The following ENPP3 variants were observed in gnomAD, a reference collection of about 807,000 sequenced individuals.
ENPP3 encodes ectonucleotide pyrophosphatase/phosphodiesterase 3, also known as ectonucleotide pyrophosphatase/phosphodiesterase family member 3.
A neutral mutation model predicts 117.8 loss-of-function variants in ENPP3; 104 were observed. The ratio of observed to expected loss-of-function variants is 0.88; its 90% confidence interval spans 0.75 to 1.04. The LOEUF is 1.04. Among genes scored for constraint, ENPP3 ranks in the 50% least tolerant of loss-of-function variants. The pLI is 0.00. For missense variants in ENPP3, 1,026 were observed against 1,051.9 expected (o/e 0.98, Z 0.34); for synonymous variants, 380 against 349.9 (o/e 1.09, Z -0.96).
intron 22 of ENPP3, 118 bp downstream of exon 22, chr6:131,737,550 T>C (rs1780425348): frequency 6.2e-6 from 4 of 647,964 alleles, no homozygotes; most frequent in East Asian, 5.3e-5. Flanking sequence ...CATTTTGTTC[T>C]AATGGTTTAA....
At chr6:131,732,256 A>G (rs921980111) in intron 20 of ENPP3, among the ~76,000 whole-genome samples, 11 of 152,238 alleles carry the variant, frequency 7.2e-5, no homozygotes, top group African/African-American at 2.7e-4. Flanking sequence ...AAATAAACAA[A>G]TAGCAAAATG....
At position 131,717,351 on chromosome 6, in the gene ENPP3, G is replaced by GGTGTGT. The variant is rs71030754; in HGVS notation, c.1413-1272_1413-1267dup. 3.3e-3 allele frequency among the ~76,000 whole-genome samples: 294 copies of GGTGTGT among 89,404 alleles called. 3 individuals are homozygous for GGTGTGT. The highest frequency in any genetic ancestry group is 4.9e-3 in the Admixed American group (44 of 8,924). The allele number at this position is 89,404 out of a possible 152,430, so 58.7% of individuals were successfully genotyped here. A position where few individuals can be genotyped will look rare whatever the true frequency, so the allele number is the denominator to read the frequency against. On this transcript the variant is annotated intron_variant, in intron 15 of 24. Transcript: ENST00000357639. ...AAAAACAAACAGAAACCCTGCGGGG[G>GGTGTGT]GTGTGTGTGTGTGTGTGTGTGTGTG... is the stretch of plus-strand genomic sequence containing the variant.
intron 9 of ENPP3, among the ~76,000 whole-genome samples, chr6:131,675,700 G>A (rs1487603673): frequency 6.6e-6 from 1 of 152,066 alleles, no homozygotes; most frequent in Non-Finnish European, 1.5e-5. Context: ...TGGGCATGGT[G>A]GCGCATTACC....
At chr6:131,650,248 G>A (rs533785927) in intron 3 of ENPP3, 99 bp downstream of exon 3, 3 of 1,332,094 alleles carry the variant, frequency 2.3e-6, no homozygotes, top group East Asian at 4.7e-5. Flanking sequence ...GAGACAGAGT[G>A]TCACTCTGTT....
chr6:131,644,150 G>GA (rs1327151223), intron 2 of ENPP3, among the ~76,000 whole-genome samples: 2 of 152,164 alleles, frequency 1.3e-5, no homozygotes, highest in Non-Finnish European at 2.9e-5. Context: ...GGACTAGAGG[G>GA]AGGTGGTCAT....
intron 1 of ENPP3, among the ~76,000 whole-genome samples, chr6:131,639,800 A>G (rs936150571): frequency 1.3e-5 from 2 of 152,140 alleles, no homozygotes; most frequent in South Asian, 2.1e-4. Flanking sequence ...TTGGAATTAC[A>G]TATTTATAGT....
chr6:131,701,191 C>T lies in ENPP3; in HGVS notation c.1412+7567C>T, dbSNP rs374326295. On this transcript the variant is annotated intron_variant, in intron 15 of 24. Transcript: ENST00000357639. ...CGGGGCACCGTGTTGCAGGCGTAGG[C>T]GATGTCGACGACCGCCAGGTGTGAG... 2.0e-4 allele frequency: 200 copies of T among 1,000,482 alleles called. No individual in the cohort carries two copies. The African/African-American group carries it at 3.9e-3, about 19-fold the overall frequency. The allele number at this position is 1,000,482 out of a possible 1,614,324, so 62.0% of individuals were successfully genotyped here. A position where few individuals can be genotyped will look rare whatever the true frequency, so the allele number is the denominator to read the frequency against.
intron 2 of ENPP3, among the ~76,000 whole-genome samples, chr6:131,647,156 G>A (rs978072499): frequency 1.3e-5 from 2 of 152,032 alleles, no homozygotes; most frequent in Non-Finnish European, 2.9e-5. Flanking sequence ...TTATAGGCAT[G>A]AGCCACTGCA....
intron 6 of ENPP3, among the ~76,000 whole-genome samples, chr6:131,670,772 G>T (rs933844279): frequency 2.6e-5 from 4 of 152,178 alleles, no homozygotes; most frequent in African/African-American, 9.7e-5. Flanking sequence ...GATTACAGGT[G>T]TGAGCCTCTG....
In ENPP3 at chr6:131,738,177, C is replaced by A; in HGVS notation, c.2300+14C>A. ...TGAAATTACCAAGTAAGTGATTTGA[C>A]TTTTTGATTTATCAATAGGGTCTCA... On this transcript the variant is annotated intron_variant, in intron 23 of 24. Transcript: ENST00000357639. 1 of 1,606,676 alleles carries A rather than the reference C, an allele frequency of 6.2e-7. No homozygotes were observed. Among genetic ancestry groups the A allele is most frequent in the Non-Finnish European group, 8.5e-7 (1 of 1,176,002 alleles).
At chr6:131,690,120 A>G (rs1025037564) in intron 14 of ENPP3, among the ~76,000 whole-genome samples, 1 of 152,240 alleles carries the variant, frequency 6.6e-6, no homozygotes, top group Non-Finnish European at 1.5e-5. Flanking sequence ...TGAAAAGACA[A>G]CAAAGGATTT....
chr6:131,697,012 G>T (rs1217182959), intron 15 of ENPP3, among the ~76,000 whole-genome samples: 1 of 152,102 alleles, frequency 6.6e-6, no homozygotes, highest in Non-Finnish European at 1.5e-5. Context: ...CTCATGATCC[G>T]CCCTCCTTGG....
intron 1 of ENPP3, 100 bp from the exon 2 acceptor site, chr6:131,641,355 C>A (rs191548148): frequency 4.5e-6 from 3 of 664,814 alleles, no homozygotes; most frequent in East Asian, 2.9e-5. Flanking sequence ...ATAACTAGTA[C>A]GCTGCAGGTA....
chr6:131,706,667 A>C (rs1004111204), intron 15 of ENPP3, among the ~76,000 whole-genome samples: 3 of 149,052 alleles, frequency 2.0e-5, no homozygotes, highest in Admixed American at 2.0e-4. Flanking sequence ...GAAATGTGTT[A>C]AATGTTTATT....
intron 20 of ENPP3, among the ~76,000 whole-genome samples, chr6:131,730,144 T>C (rs999950752): frequency 2.0e-5 from 3 of 152,210 alleles, no homozygotes; most frequent in Admixed American, 1.3e-4. Flanking sequence ...TAAAACTTAC[T>C]AATGTGAAAT....
At chr6:131,640,668 G>A (rs1223871408) in intron 1 of ENPP3, among the ~76,000 whole-genome samples, 1 of 152,140 alleles carries the variant, frequency 6.6e-6, no homozygotes, top group Non-Finnish European at 1.5e-5. Context: ...ACTTTCCTAA[G>A]TAATTTGATT....
chr6:131,687,019 G>A (rs1001953907), intron 14 of ENPP3, among the ~76,000 whole-genome samples: 1 of 152,122 alleles, frequency 6.6e-6, no homozygotes, highest in African/African-American at 2.4e-5. Flanking sequence ...TTTTGGTGGA[G>A]GGGTATATCC....
chr6:131,735,366 G>A (rs575047962), intron 21 of ENPP3, among the ~76,000 whole-genome samples: 1 of 152,186 alleles, frequency 6.6e-6, no homozygotes, highest in South Asian at 2.1e-4. Flanking sequence ...GGCTTTTTGT[G>A]GAGTCTGAGA....
chr6:131,742,381 A>C (rs967439374), intron 24 of ENPP3, among the ~76,000 whole-genome samples: 4 of 152,100 alleles, frequency 2.6e-5, no homozygotes, highest in African/African-American at 4.8e-5. Context: ...GATATGATGG[A>C]GTGATTACAA....
Sources: gnomAD v4.1 joint callset for allele counts (sites outside exome capture counted in the v4.1 genomes callset) on GRCh38, gnomAD v4.1.1 for gene constraint, MANE v1.5 for transcripts, NCBI Gene and HGNC (gene_info 2026-07-23, HGNC 2026-07-21) for gene names.